The following CLDN14 variants were observed in gnomAD, a reference collection of about 807,000 sequenced individuals.
CLDN14 encodes claudin 14, also known as claudin-14.
Under a neutral mutation model 2.1 loss-of-function variants are expected in CLDN14, and 2 were observed. The observed-to-expected ratio is 0.96, with a 90% CI of 0.39 to 3.01. The LOEUF is 3.01. CLDN14 is among the 30% of genes most tolerant of loss of function. The pLI is 0.09. For synonymous variants in CLDN14, 136 were observed against 154.4 expected, an observed-to-expected ratio of 0.88 and a Z score of 0.88; for missense variants, 298 against 328.0, an observed-to-expected ratio of 0.91 and a Z score of 0.71.
In CLDN14 at chr21:36,515,789, C is replaced by CTCTT. The variant is rs777338181; in HGVS notation, c.-219-5290_-219-5289insAAGA. ...AAGCTGTGTTTCCCTTTTATCTTCT[C>CTCTT]TTTTTTTTTTTTTTTGAGACAGAGT... On this transcript the variant is annotated intron_variant, in intron 1 of 2. Coordinates refer to the CLDN14 transcript ENST00000342108. Among the ~76,000 whole-genome samples the CTCTT allele has an allele frequency of 4.3e-5, 5 of 115,314 alleles. 2 individuals carry two copies. Among genetic ancestry groups the CTCTT allele is most frequent in the Non-Finnish European group, 5.1e-5 (3 of 59,362 alleles). The allele number at this position is 115,314 out of a possible 152,430, so 75.7% of individuals were successfully genotyped here.
intron 1 of CLDN14, among the ~76,000 whole-genome samples, chr21:36,524,608 T>A (rs1035580180): frequency 6.6e-6 from 1 of 151,780 alleles, no homozygotes; most frequent in African/African-American, 2.4e-5. Flanking sequence ...GGATGGGGAG[T>A]GTGGCTGCCA....
chr21:36,489,180 A>AGAAT (rs2086935713), intron 2 of CLDN14, among the ~76,000 whole-genome samples: 1 of 143,760 alleles, frequency 7.0e-6, no homozygotes, highest in African/African-American at 2.6e-5. Flanking sequence ...AGAGAGAAAG[A>AGAAT]GAATGGGGGG....
chr21:36,523,390 T>C (rs556859094), intron 1 of CLDN14, among the ~76,000 whole-genome samples: 1 of 152,328 alleles, frequency 6.6e-6, no homozygotes, highest in Non-Finnish European at 1.5e-5. Flanking sequence ...AACAAGAGAC[T>C]GCACTCTGGA....
At chr21:36,525,175 G>A (rs73902569) in intron 1 of CLDN14, among the ~76,000 whole-genome samples, 1,593 of 152,180 alleles carry the variant, frequency 0.01, 25 homozygotes, top group African/African-American at 0.036. Context: ...CTGTGACCTC[G>A]AGAGAAGGAT....
Position 36,544,336 on chromosome 21 carries a change from C to G in CLDN14, c.-220+32075G>C, listed in dbSNP as rs1016244734. Reference sequence around the variant, plus strand: ...AGCCTCTCAGTACAGAAGGAGGGAGCAGCCGAGGCTGTCTGACATCCAGAC... The same window carrying G: ...AGCCTCTCAGTACAGAAGGAGGGAGGAGCCGAGGCTGTCTGACATCCAGAC... On this transcript the variant is annotated intron_variant, in intron 1 of 2. Transcript: ENST00000342108. This position sits in a 1 kb window ranked among gnomAD's most constrained non-coding sequence, Gnocchi z 4.1. 1.3e-5 allele frequency among the ~76,000 whole-genome samples: 2 copies of G among 152,176 alleles called. No homozygotes were observed. Among genetic ancestry groups the G allele is most frequent in the Non-Finnish European group, 2.9e-5 (2 of 68,038 alleles).
chr21:36,471,459 A>T (rs1031887531), intron 1 of CLDN14, among the ~76,000 whole-genome samples: 8 of 152,188 alleles, frequency 5.3e-5, no homozygotes, highest in African/African-American at 1.7e-4. Flanking sequence ...GGGGGGGCTC[A>T]TGTCTCCAGC....
rs576602694 is a variant in CLDN14 at position 36,553,383 on chromosome 21, T to A, written c.-220+23028A>T. 2.0e-5 allele frequency among the ~76,000 whole-genome samples: 3 copies of A among 152,288 alleles called. No homozygotes were observed. In the South Asian group the frequency reaches 6.2e-4, roughly 32 times the overall value. On this transcript the variant is annotated intron_variant, in intron 1 of 2. Coordinates refer to the CLDN14 transcript ENST00000342108. ...GCTCAGCAAGGCAGTGATGCCCACC[T>A]GAGGAACAGGCCCCTGGTGGTCTCT...
rs539692348 is a variant in CLDN14, at chr21:36,568,486, CT to C, written c.-220+7924del. ...AGCCCTCTGTCTTTCCCTAGAGCCC[CT>C]GGCATGGGGATGGGGCAGTGGGGGA... On this transcript the variant is annotated intron_variant, in intron 1 of 2. Transcript: ENST00000342108. 8.2e-3 allele frequency among the ~76,000 whole-genome samples: 1,246 copies of C among 152,316 alleles called. 22 individuals carry two copies. The highest frequency in any genetic ancestry group is 0.028 in the African/African-American group (1,173 of 41,588).
At chr21:36,511,127 C>T (rs549628918) in intron 1 of CLDN14, among the ~76,000 whole-genome samples, 5 of 152,202 alleles carry the variant, frequency 3.3e-5, no homozygotes, top group African/African-American at 4.8e-5. Flanking sequence ...GGAGGCAGGC[C>T]GGGGAGCCTC....
chr21:36,523,370 A>G (rs947988487), intron 1 of CLDN14, among the ~76,000 whole-genome samples: 3 of 152,184 alleles, frequency 2.0e-5, no homozygotes, highest in Non-Finnish European at 4.4e-5. Flanking sequence ...TGTTCCCCCA[A>G]ACTTTTGCAA....
At chr21:36,486,903 A>G in intron 2 of CLDN14, 1 of 639,074 alleles carries the variant, frequency 1.6e-6, no homozygotes. Context: ...CGGTGTCTAG[A>G]GTGAGTGTGG....
intron 1 of CLDN14, among the ~76,000 whole-genome samples, chr21:36,558,762 G>GTTT (rs35231431): frequency 2.0e-5 from 3 of 148,028 alleles, no homozygotes; most frequent in Admixed American, 6.7e-5. Context: ...ACAAGGTGGG[G>GTTT]TTTTTTTTTT....
At chr21:36,563,364 T>C (rs890357058) in intron 1 of CLDN14, among the ~76,000 whole-genome samples, 3 of 152,106 alleles carry the variant, frequency 2.0e-5, no homozygotes, top group Admixed American at 1.3e-4. Flanking sequence ...GTTGGCCTGG[T>C]TTCCTTACCG....
intron 1 of CLDN14, among the ~76,000 whole-genome samples, chr21:36,472,453 T>G (rs2086721568): frequency 6.6e-6 from 1 of 152,210 alleles, no homozygotes; most frequent in Non-Finnish European, 1.5e-5. Flanking sequence ...TGTGTCAACT[T>G]GGCTGGGCCA....
intron 1 of CLDN14, among the ~76,000 whole-genome samples, chr21:36,539,340 G>C (rs1449740137): frequency 6.6e-6 from 1 of 150,976 alleles, no homozygotes; most frequent in African/African-American, 2.4e-5. Flanking sequence ...TGTGTGTGGA[G>C]TGAGTGTGTG....
chr21:36,562,020 C>G (rs981236011), intron 1 of CLDN14, among the ~76,000 whole-genome samples: 1 of 81,052 alleles, frequency 1.2e-5, no homozygotes, highest in Non-Finnish European at 3.2e-5. Context: ...TGAATTTTTC[C>G]TTTTCTCTGC....
At chr21:36,556,320 A>G (rs2087598945) in intron 1 of CLDN14, among the ~76,000 whole-genome samples, 1 of 152,186 alleles carries the variant, frequency 6.6e-6, no homozygotes, top group South Asian at 2.1e-4. Context: ...GACCTAAGTC[A>G]GAAGCCTACA....
Position 36,490,061 on chromosome 21 carries a change from C to A in CLDN14, c.-82+20302G>T, listed in dbSNP as rs2086945226. Among the ~76,000 whole-genome samples the A allele has an allele frequency of 1.3e-5, 2 of 152,354 alleles. 1 individual carries two copies. The highest frequency in any genetic ancestry group is 4.1e-4 in the South Asian group (2 of 4,830). The stretch of plus-strand genomic sequence containing the variant: ...AGGGATCAGGATGACTTTGCTGCGG[C>A]CTCGCTGGAAGCATCTCTCTAGATT... On this transcript the variant is annotated intron_variant, in intron 2 of 2. Coordinates refer to the CLDN14 transcript ENST00000342108.
At chr21:36,493,326 G>A (rs989631138) in intron 2 of CLDN14, among the ~76,000 whole-genome samples, 2 of 152,094 alleles carry the variant, frequency 1.3e-5, no homozygotes, top group African/African-American at 2.4e-5. Context: ...TGCCTTCCCT[G>A]GGAGGCAGGG....
Sources: allele counts gnomAD v4.1 joint callset (sites outside exome capture counted in the v4.1 genomes callset), GRCh38; gene constraint gnomAD v4.1.1; non-coding constraint Gnocchi (gnomAD v3.1); transcripts MANE v1.5; gene names NCBI Gene and HGNC (gene_info 2026-07-23, HGNC 2026-07-21).